Variants in OLFM3 observed in about 807,000 individuals in gnomAD.
The protein encoded by OLFM3 is olfactomedin 3, also known as noelin-3.
OLFM3 carries 20 observed loss-of-function variants against 48.6 expected under a neutral mutation model. The ratio of observed to expected loss-of-function variants is 0.41; its 90% confidence interval spans 0.29 to 0.60. OLFM3 has a LOEUF of 0.60. OLFM3 is among the 20% of genes least tolerant of loss of function. The probability of loss-of-function intolerance (pLI) is 0.28; values close to 1 mark genes in which losing one functional copy is unlikely to be tolerated. For missense variants in OLFM3, 437 were observed against 544.3 expected, an observed-to-expected ratio of 0.80 and a Z score of 1.96; for synonymous variants, 222 against 198.1, an observed-to-expected ratio of 1.12 and a Z score of -1.01.
At chr1:101,868,772 C>T (rs1370060035) in intron 1 of OLFM3, among the ~76,000 whole-genome samples, 1 of 152,212 alleles carries the variant, frequency 6.6e-6, no homozygotes, top group Non-Finnish European at 1.5e-5. Context: ...CCCAGGCTTC[C>T]CCTTCTGTAT....
intron 1 of OLFM3, among the ~76,000 whole-genome samples, chr1:101,980,286 A>G (rs1661072626): frequency 6.6e-6 from 1 of 151,994 alleles, no homozygotes; most frequent in African/African-American, 2.4e-5. Context: ...AAGACATGAG[A>G]TTTGGGAGGG....
intron 1 of OLFM3, among the ~76,000 whole-genome samples, chr1:101,949,837 C>T (rs951671808): frequency 2.7e-5 from 4 of 147,498 alleles, no homozygotes; most frequent in African/African-American, 7.5e-5. Flanking sequence ...GGCTGAGGCA[C>T]GAGAATGGCG....
intron 4 of OLFM3, among the ~76,000 whole-genome samples, chr1:101,820,348 C>T (rs1654550768): frequency 6.6e-6 from 1 of 152,020 alleles, no homozygotes; most frequent in Non-Finnish European, 1.5e-5. Flanking sequence ...GCTGGAAAGC[C>T]TTATTATAAT....
intron 1 of OLFM3, among the ~76,000 whole-genome samples, chr1:101,945,322 G>A (rs72991683): frequency 0.047 from 7,153 of 152,230 alleles, 558 homozygotes; most frequent in African/African-American, 0.16. Context: ...GTACTATTCA[G>A]TAATAAGAAG....
chr1:101,920,414 A>G (rs1219550908), intron 1 of OLFM3, among the ~76,000 whole-genome samples: 1 of 152,166 alleles, frequency 6.6e-6, no homozygotes, highest in Non-Finnish European at 1.5e-5. Flanking sequence ...TGTCTCCTTT[A>G]TATTTTCAGT....
chr1:101,933,201 C>CAAAAAAAAAAAAAA (rs761881274), intron 1 of OLFM3, among the ~76,000 whole-genome samples: 6 of 40,106 alleles, frequency 1.5e-4, no homozygotes, highest in Non-Finnish European at 2.2e-4. Context: ...GACTCCATCT[C>CAAAAAAAAAAAAAA]AAAAAAAAAA....
At chr1:101,837,179 T>C (rs944030450) in intron 1 of OLFM3, 154 bp from the exon 2 acceptor site, 84 of 712,236 alleles carry the variant, frequency 1.2e-4, no homozygotes, top group African/African-American at 8.5e-4. Flanking sequence ...ACAATTTATA[T>C]AGGCAGTATA....
intron 1 of OLFM3, among the ~76,000 whole-genome samples, chr1:101,886,657 G>A (rs1415850225): frequency 1.3e-5 from 2 of 152,012 alleles, no homozygotes; most frequent in Admixed American, 6.6e-5. Context: ...ATCTGACTGC[G>A]GTTGCATGAA....
intron 1 of OLFM3, among the ~76,000 whole-genome samples, chr1:101,982,802 C>A (rs1335267301): frequency 2.6e-5 from 4 of 152,128 alleles, no homozygotes; most frequent in Admixed American, 2.0e-4. Context: ...TATACCCTCT[C>A]CTTGGTGTCC....
At chr1:101,853,624 G>A (rs1468745409) in intron 1 of OLFM3, among the ~76,000 whole-genome samples, 1 of 152,002 alleles carries the variant, frequency 6.6e-6, no homozygotes, top group Admixed American at 6.6e-5. Flanking sequence ...TGAGATAAAT[G>A]GATAAATGAA....
chr1:101,937,590 A>T (rs1447457233), intron 1 of OLFM3, among the ~76,000 whole-genome samples: 1 of 152,116 alleles, frequency 6.6e-6, no homozygotes, highest in Non-Finnish European at 1.5e-5. Flanking sequence ...GCTGCCATGC[A>T]TGTAAGACGT....
At chr1:101,848,512 T>A (rs904010404) in intron 1 of OLFM3, among the ~76,000 whole-genome samples, 1 of 151,866 alleles carries the variant, frequency 6.6e-6, no homozygotes, top group Non-Finnish European at 1.5e-5. Flanking sequence ...CAGGCCATTT[T>A]TTTTTTTCAA....
chr1:101,815,845 G>T (rs1438525062), intron 4 of OLFM3, among the ~76,000 whole-genome samples: 1 of 152,120 alleles, frequency 6.6e-6, no homozygotes, highest in East Asian at 1.9e-4. Context: ...AGTTTTGATG[G>T]TTTTTAGCAT....
chr1:101,933,516 A>G (rs1659520174), intron 1 of OLFM3, among the ~76,000 whole-genome samples: 1 of 152,166 alleles, frequency 6.6e-6, no homozygotes, highest in South Asian at 2.1e-4. Context: ...AAAGGGAAAG[A>G]AAGCAAGCAA....
At chr1:101,883,610 T>A (rs1444337819) in intron 1 of OLFM3, among the ~76,000 whole-genome samples, 1 of 151,958 alleles carries the variant, frequency 6.6e-6, no homozygotes, top group Non-Finnish European at 1.5e-5. Flanking sequence ...CTAAAGCATG[T>A]TCTAGTTACT....
At chr1:101,818,551 T>A (rs751445299) in intron 4 of OLFM3, among the ~76,000 whole-genome samples, 16 of 152,126 alleles carry the variant, frequency 1.1e-4, no homozygotes, top group Non-Finnish European at 1.8e-4. Flanking sequence ...CCATTGCATT[T>A]CTGAGTCAAA....
At chr1:101,822,484 A>T (rs1278526357) in intron 4 of OLFM3, among the ~76,000 whole-genome samples, 4 of 152,052 alleles carry the variant, frequency 2.6e-5, no homozygotes, top group Admixed American at 1.3e-4. Context: ...GAGTGAATTG[A>T]TTCTCAGGGT....
At chr1:101,818,722 T>A (rs894349705) in intron 4 of OLFM3, among the ~76,000 whole-genome samples, 3 of 152,128 alleles carry the variant, frequency 2.0e-5, no homozygotes, top group African/African-American at 7.2e-5. Context: ...CAGTTGGCAA[T>A]GACAACAAAC....
chr1:101,826,931 C>T (rs988947668), intron 3 of OLFM3, among the ~76,000 whole-genome samples: 2 of 152,158 alleles, frequency 1.3e-5, no homozygotes, highest in Admixed American at 6.5e-5. Flanking sequence ...ATGTTGGTAG[C>T]TTTTCTTCTC....
Sources: allele counts gnomAD v4.1 joint callset (sites outside exome capture counted in the v4.1 genomes callset), GRCh38; gene constraint gnomAD v4.1.1; transcripts MANE v1.5; gene names NCBI Gene and HGNC (gene_info 2026-07-23, HGNC 2026-07-21).